Variants in STPG2 observed in about 807,000 individuals in gnomAD.
STPG2 encodes the protein sperm-tail PG-rich repeat-containing protein 2.
A neutral mutation model predicts 54.2 loss-of-function variants in STPG2; 56 were observed. That is an observed-to-expected ratio of 1.03 (90% confidence interval 0.83 to 1.29). The LOEUF is 1.29. STPG2 is among the 50% of genes most tolerant of loss of function. The probability of loss-of-function intolerance (pLI) is 0.00; values close to 1 mark genes in which losing one functional copy is unlikely to be tolerated. For missense variants in STPG2, 596 were observed against 544.9 expected, an observed-to-expected ratio of 1.09 and a Z score of -0.93; for synonymous variants, 200 against 181.8, an observed-to-expected ratio of 1.10 and a Z score of -0.81.
At chr4:97,490,678 C>T (rs1730485061) in intron 4 of STPG2, among the ~76,000 whole-genome samples, 2 of 151,580 alleles carry the variant, frequency 1.3e-5, no homozygotes, top group Admixed American at 6.6e-5. Flanking sequence ...TAGGTTGGTA[C>T]CAAATAGGCA....
intron 5 of STPG2, among the ~76,000 whole-genome samples, chr4:98,095,011 G>A (rs75962700): frequency 5.9e-5 from 9 of 151,808 alleles, no homozygotes; most frequent in African/African-American, 2.2e-4. Context: ...TAGGACATAA[G>A]GAAAAACAAC....
intron 4 of STPG2, among the ~76,000 whole-genome samples, chr4:97,470,789 A>AGCTGAG: frequency 6.6e-6 from 1 of 152,134 alleles, no homozygotes; most frequent in East Asian, 1.9e-4. Flanking sequence ...AGATGAGGTG[A>AGCTGAG]ATGACTGATA....
intron 10 of STPG2, among the ~76,000 whole-genome samples, chr4:97,704,582 C>T (rs888420918): frequency 9.9e-5 from 15 of 152,152 alleles, no homozygotes; most frequent in Non-Finnish European, 2.2e-4. Flanking sequence ...GAGTCAAAGA[C>T]CTTTTTAGAA....
chr4:97,868,147 G>T (rs946884328), intron 8 of STPG2, among the ~76,000 whole-genome samples: 4 of 151,744 alleles, frequency 2.6e-5, no homozygotes, highest in Non-Finnish European at 4.4e-5. Context: ...TTTTCATAGT[G>T]TCTTGCTTGC....
chr4:97,850,753 T>G (rs1218102371), intron 8 of STPG2, among the ~76,000 whole-genome samples: 1 of 152,166 alleles, frequency 6.6e-6, no homozygotes, highest in Non-Finnish European at 1.5e-5. Context: ...TGGTTAAAAC[T>G]GTGCCAAATA....
At chr4:97,717,447 C>A (rs765462545) in intron 9 of STPG2, among the ~76,000 whole-genome samples, 2 of 152,248 alleles carry the variant, frequency 1.3e-5, no homozygotes, top group South Asian at 4.1e-4. Context: ...AAAGCATGCA[C>A]CTGTTAAAAC....
intron 10 of STPG2, among the ~76,000 whole-genome samples, chr4:97,688,614 G>A (rs1723272317): frequency 6.6e-6 from 1 of 152,064 alleles, no homozygotes; most frequent in African/African-American, 2.4e-5. Flanking sequence ...TGATCCACAT[G>A]CCAAAGTTTT....
intron 3 of STPG2, among the ~76,000 whole-genome samples, chr4:98,114,035 G>T (rs1228529260): frequency 6.1e-5 from 8 of 132,090 alleles, no homozygotes; most frequent in Non-Finnish European, 1.2e-4. Context: ...GCATCCACTA[G>T]AGTAGTTGAA....
intron 4 of STPG2, among the ~76,000 whole-genome samples, chr4:97,540,164 C>G (rs1019202098): frequency 4.6e-5 from 7 of 151,972 alleles, no homozygotes; most frequent in Non-Finnish European, 7.4e-5. Context: ...AAAAACCCTT[C>G]AAAAAATCAA....
intron 10 of STPG2, among the ~76,000 whole-genome samples, chr4:97,667,708 T>C (rs1008237820): frequency 3.3e-5 from 5 of 152,176 alleles, no homozygotes; most frequent in African/African-American, 1.2e-4. Context: ...CCTGGGTATT[T>C]TGATACTATC....
At chr4:97,820,290 C>T (rs111567218) in intron 9 of STPG2, among the ~76,000 whole-genome samples, 3,096 of 152,190 alleles carry the variant, frequency 0.02, 99 homozygotes, top group African/African-American at 0.071. Context: ...TCTCTCCCTC[C>T]CCTCCAGCCT....
chr4:98,117,684 T>C lies in STPG2; in HGVS notation c.388-8379A>G, dbSNP rs184679429. Among the ~76,000 whole-genome samples the C allele has an allele frequency of 2.6e-5, 4 of 152,176 alleles. No individual in the cohort carries two copies. The East Asian group carries it at 5.8e-4, about 22-fold the overall frequency. ...GTCTTCAAGTTAACTGATTCTTTCT[T>C]CAGCCAATTCAAATTTTCTTTTGGG... On this transcript the variant is annotated intron_variant, in intron 3 of 10. Coordinates refer to ENST00000295268, the MANE Select transcript of STPG2 (RefSeq NM_174952.3).
At chr4:97,693,144 A>T (rs1270259822) in intron 10 of STPG2, among the ~76,000 whole-genome samples, 1 of 151,980 alleles carries the variant, frequency 6.6e-6, no homozygotes, top group Admixed American at 6.6e-5. Flanking sequence ...GATAAAAAAA[A>T]AAAAAAGAAA....
intron 5 of STPG2, among the ~76,000 whole-genome samples, chr4:98,011,980 G>A (rs922663606): frequency 8.0e-5 from 12 of 150,866 alleles, no homozygotes; most frequent in East Asian, 2.0e-4. Flanking sequence ...CCATTTGTCC[G>A]GCTTTTGTTT....
chr4:97,788,084 C>A (rs1375043864), intron 9 of STPG2, among the ~76,000 whole-genome samples: 1 of 151,882 alleles, frequency 6.6e-6, no homozygotes, highest in Non-Finnish European at 1.5e-5. Flanking sequence ...TACAAACAAT[C>A]CAATTAGACT....
At chr4:97,465,103 T>C (rs904940308) in intron 4 of STPG2, among the ~76,000 whole-genome samples, 1 of 152,148 alleles carries the variant, frequency 6.6e-6, no homozygotes, top group Non-Finnish European at 1.5e-5. Context: ...AGAAAGCACA[T>C]GAATATGTGG....
intron 5 of STPG2, among the ~76,000 whole-genome samples, chr4:98,083,477 C>A (rs1006060881): frequency 1.3e-5 from 2 of 151,894 alleles, no homozygotes; most frequent in Non-Finnish European, 2.9e-5. Context: ...GGAAAATACC[C>A]AAGATTGACA....
chr4:97,813,688 A>T, intron 9 of STPG2, among the ~76,000 whole-genome samples: 1 of 100,704 alleles, frequency 9.9e-6, no homozygotes, highest in African/African-American at 4.1e-5. Flanking sequence ...AAAAAAAAAA[A>T]AAAAAAAAAA....
At chr4:97,641,891 T>C (rs1721776582) in intron 10 of STPG2, among the ~76,000 whole-genome samples, 2 of 151,590 alleles carry the variant, frequency 1.3e-5, no homozygotes, top group South Asian at 2.1e-4. Flanking sequence ...CATCAATACC[T>C]GGAGCAAATA....
Sources: allele counts gnomAD v4.1 joint callset (sites outside exome capture counted in the v4.1 genomes callset), GRCh38; gene constraint gnomAD v4.1.1; transcripts MANE v1.5; gene names NCBI Gene and HGNC (gene_info 2026-07-23, HGNC 2026-07-21).